FRK: variants seen among roughly 807,000 people sequenced by gnomAD.
FRK encodes the protein fyn related Src family tyrosine kinase, also known as tyrosine-protein kinase FRK.
In FRK, 51 loss-of-function variants were observed where a neutral mutation model predicts 56.4. That is an observed-to-expected ratio of 0.90 (90% CI 0.72 to 1.14). The LOEUF (loss-of-function observed/expected upper bound fraction) is 1.14. FRK is among the 50% of genes most tolerant of loss of function. The pLI, the probability that FRK is intolerant of heterozygous loss-of-function variation, is 0.00. For missense variants in FRK, 570 were observed against 601.4 expected (o/e 0.95, Z 0.55); for synonymous variants, 245 against 217.9 (o/e 1.12, Z -1.10).
intron 1 of FRK, among the ~76,000 whole-genome samples, chr6:116,059,115 C>T (rs376874157): frequency 1.5e-4 from 23 of 152,114 alleles, no homozygotes; most frequent in African/African-American, 5.5e-4. Flanking sequence ...CTTTACCCTC[C>T]CCAACTCACC....
At chr6:116,078,441 C>G in the FRK span, among the ~76,000 whole-genome samples, 23 of 152,208 alleles carry the variant, frequency 1.5e-4, no homozygotes, top group Non-Finnish European at 5.9e-5. Context: ...CCCTAAAGAG[C>G]TTGGGATGGA....
Position 115,956,480 on chromosome 6 carries a change from T to G in FRK, c.930A>C (p.Arg310Ser). The change falls in exon 5 of 8, where the codon AGA becomes AGC. Residue 310 changes from arginine (R) to serine (S), a missense_variant. Physicochemically the swap from Arg to Ser is moderately radical, Grantham distance 110. Transcript: ENST00000606080. ...DPIYIITELMRHGSLQEYLQN... is the reference protein window; with the variant it reads ...DPIYIITELMSHGSLQEYLQN... Reference sequence around the variant, plus strand: ...GGAGATATTCTTGCAGACTTCCATGTCTCATCAACTCTGTAATAATATAAA... The same window carrying G: ...GGAGATATTCTTGCAGACTTCCATGGCTCATCAACTCTGTAATAATATAAA... 6.4e-7 allele frequency: 1 copy of G among 1,553,276 alleles called. No homozygotes were observed. Among genetic ancestry groups the G allele is most frequent in the South Asian group, 1.3e-5 (1 of 77,140 alleles).
chr6:115,976,259 T>A (rs570447024), intron 2 of FRK, among the ~76,000 whole-genome samples: 1 of 152,252 alleles, frequency 6.6e-6, no homozygotes, highest in East Asian at 1.9e-4. Context: ...ACTGTGAGAT[T>A]TTATCATAAA....
intron 1 of FRK, among the ~76,000 whole-genome samples, chr6:116,013,682 C>G (rs1306437055): frequency 1.3e-5 from 2 of 152,116 alleles, no homozygotes; most frequent in Non-Finnish European, 2.9e-5. Flanking sequence ...TGGGGCAGTA[C>G]TATACTTCTT....
rs1771982738 is a variant in FRK at position 115,932,963 on chromosome 6, C to T, written c.*9451G>A. On this transcript the variant is annotated 3_prime_UTR_variant, in exon 8 of 8. Coordinates refer to ENST00000606080, the MANE Select transcript of FRK (RefSeq NM_002031.3). The stretch of plus-strand genomic sequence containing the variant: ...GTCTGTCTTTTAAGTCAACCCATTC[C>T]CACAGCCAGTTTGCAGATTCCTGGT... 6.6e-6 allele frequency: 1 copy of T among 152,176 alleles called. No individual in the cohort carries two copies. The highest frequency in any genetic ancestry group is 2.1e-4 in the South Asian group (1 of 4,824). 9.4% of individuals were successfully genotyped at this position (152,176 alleles called of 1,614,324 possible).
chr6:115,989,369 G>T (rs1162142072), intron 2 of FRK, among the ~76,000 whole-genome samples: 1 of 151,650 alleles, frequency 6.6e-6, no homozygotes, highest in East Asian at 1.9e-4. Flanking sequence ...TGAAGTTTGG[G>T]CTCCTAGTGA....
At chr6:116,048,955 T>C (rs1268250104) in intron 1 of FRK, among the ~76,000 whole-genome samples, 2 of 148,832 alleles carry the variant, frequency 1.3e-5, no homozygotes, top group East Asian at 1.9e-4. Context: ...ATTCTTGGGA[T>C]TGTTCACATC....
chr6:116,010,672 C>T (rs1308553228), intron 1 of FRK, among the ~76,000 whole-genome samples: 1 of 152,168 alleles, frequency 6.6e-6, no homozygotes, highest in Non-Finnish European at 1.5e-5. Flanking sequence ...GTTATTTAAC[C>T]TCTCTATGCC....
intron 1 of FRK, among the ~76,000 whole-genome samples, chr6:116,021,070 T>C (rs1775857460): frequency 1.3e-5 from 2 of 152,110 alleles, no homozygotes; most frequent in African/African-American, 4.8e-5. Flanking sequence ...ATCAAGTTCT[T>C]TCTGTTCTTT....
intron 2 of FRK, among the ~76,000 whole-genome samples, chr6:115,998,704 G>C (rs1314828411): frequency 1.3e-5 from 2 of 152,186 alleles, no homozygotes; most frequent in African/African-American, 4.8e-5. Context: ...GTGCCTTGCT[G>C]GTCTTGGCTG....
chr6:116,045,317 C>G (rs1276734493), intron 1 of FRK, among the ~76,000 whole-genome samples: 3 of 151,880 alleles, frequency 2.0e-5, no homozygotes, highest in Non-Finnish European at 4.4e-5. Flanking sequence ...GGCATCATGC[C>G]ACCTGACTTC....
chr6:116,021,185 TAA>T (rs1172112551), intron 1 of FRK, among the ~76,000 whole-genome samples: 3 of 125,612 alleles, frequency 2.4e-5, no homozygotes, highest in African/African-American at 3.0e-5. Flanking sequence ...ACTGAAAGAA[TAA>T]AAAAAAAAAA....
At chr6:116,039,092 G>T (rs1776609821) in intron 1 of FRK, 3 of 785,784 alleles carry the variant, frequency 3.8e-6, no homozygotes, top group South Asian at 2.7e-5. Flanking sequence ...GCAGAAAGTG[G>T]CCCATGCTCT....
intron 2 of FRK, among the ~76,000 whole-genome samples, chr6:115,981,700 C>A (rs774306670): frequency 2.0e-5 from 3 of 152,002 alleles, no homozygotes; most frequent in South Asian, 2.1e-4. Context: ...AGAAAGGTAA[C>A]AAACGGTAAT....
intron 1 of FRK, among the ~76,000 whole-genome samples, chr6:116,007,952 G>A (rs931315755): frequency 1.3e-4 from 20 of 151,812 alleles, no homozygotes; most frequent in Non-Finnish European, 2.2e-4. Flanking sequence ...AAAATGAAGG[G>A]ATGATGGTGC....
intron 1 of FRK, among the ~76,000 whole-genome samples, chr6:116,024,525 T>C (rs1368946927): frequency 6.6e-6 from 1 of 151,826 alleles, no homozygotes; most frequent in Non-Finnish European, 1.5e-5. Flanking sequence ...GTTTGGTTTT[T>C]TGTTCTTGCG....
At chr6:116,056,408 G>A (rs1777402013) in intron 1 of FRK, among the ~76,000 whole-genome samples, 2 of 151,992 alleles carry the variant, frequency 1.3e-5, no homozygotes, top group Admixed American at 1.3e-4. Context: ...TTTTTGTAGA[G>A]ACTGGGTCTC....
At chr6:116,007,793 C>A (rs1372026290) in intron 1 of FRK, among the ~76,000 whole-genome samples, 1 of 152,062 alleles carries the variant, frequency 6.6e-6, no homozygotes, top group Non-Finnish European at 1.5e-5. Context: ...ACCATCCAGG[C>A]AATTTAATGG....
At chr6:115,997,146 A>G (rs1448189115) in intron 2 of FRK, among the ~76,000 whole-genome samples, 1 of 152,238 alleles carries the variant, frequency 6.6e-6, no homozygotes, top group Non-Finnish European at 1.5e-5. Context: ...CACATAAAGT[A>G]GTATTCTTTC....
Sources: gnomAD v4.1 joint callset for allele counts (sites outside exome capture counted in the v4.1 genomes callset) on GRCh38, gnomAD v4.1.1 for gene constraint, MANE v1.5 for transcripts, NCBI Gene and HGNC (gene_info 2026-07-23, HGNC 2026-07-21) for gene names.